SLC44A5: variants seen among roughly 807,000 people sequenced by gnomAD.
The protein encoded by SLC44A5 is choline transporter-like protein 5.
SLC44A5 carries 57 observed loss-of-function variants against 101.8 expected under a neutral mutation model. That is an observed-to-expected ratio of 0.56 (90% CI 0.45 to 0.70). The LOEUF (loss-of-function observed/expected upper bound fraction) is 0.70, where lower values mean the gene tolerates loss of function less well. SLC44A5 is among the 30% of genes least tolerant of loss of function. SLC44A5 has a pLI of 0.00. For missense variants in SLC44A5, 737 were observed against 853.1 expected, an observed-to-expected ratio of 0.86 and a Z score of 1.70; for synonymous variants, 281 against 290.9, an observed-to-expected ratio of 0.97 and a Z score of 0.35.
chr1:75,376,077 G>T lies in SLC44A5; in HGVS notation c.52+20506C>A, dbSNP rs374458347. On this transcript the variant is annotated intron_variant, in intron 3 of 23. Coordinates refer to ENST00000370859, the MANE Select transcript of SLC44A5 (RefSeq NM_001130058.2). Reference sequence around the variant, plus strand: ...TTCCAAGTCAAAGAAAGGGGTGACGGACGCACCTGGAAAATTGGGTCACTC... The same window carrying T: ...TTCCAAGTCAAAGAAAGGGGTGACGTACGCACCTGGAAAATTGGGTCACTC... Among the ~76,000 whole-genome samples the T allele has an allele frequency of 3.9e-5, 6 of 152,340 alleles. No homozygotes were observed. In the South Asian group the frequency reaches 1.2e-3, roughly 32 times the overall value.
chr1:75,609,278 G>A (rs1353481426), intron 1 of SLC44A5, among the ~76,000 whole-genome samples: 3 of 151,804 alleles, frequency 2.0e-5, no homozygotes, highest in Admixed American at 6.6e-5. Context: ...GTTTTTATTT[G>A]AATATTTTAG....
intron 1 of SLC44A5, among the ~76,000 whole-genome samples, chr1:75,601,280 A>G (rs957135116): frequency 6.6e-6 from 1 of 151,964 alleles, no homozygotes; most frequent in Non-Finnish European, 1.5e-5. Flanking sequence ...CAAGAACAAA[A>G]AAACAAACAC....
chr1:75,504,000 G>A (rs1236660124), intron 2 of SLC44A5, among the ~76,000 whole-genome samples: 5 of 152,130 alleles, frequency 3.3e-5, no homozygotes, highest in Non-Finnish European at 7.4e-5. Flanking sequence ...CCCCTAAACA[G>A]TGAGGGGATT....
chr1:75,394,215 T>C (rs1461087012), intron 3 of SLC44A5, among the ~76,000 whole-genome samples: 1 of 152,086 alleles, frequency 6.6e-6, no homozygotes, highest in East Asian at 1.9e-4. Context: ...TGGCTGAGCA[T>C]GCTAAATGCT....
At chr1:75,499,535 C>G (rs1668844867) in intron 2 of SLC44A5, among the ~76,000 whole-genome samples, 1 of 152,110 alleles carries the variant, frequency 6.6e-6, no homozygotes, top group South Asian at 2.1e-4. Flanking sequence ...GGTGTTCACC[C>G]AATTATGAAG....
At chr1:75,375,957 T>A (rs142450116) in intron 3 of SLC44A5, among the ~76,000 whole-genome samples, 2 of 152,040 alleles carry the variant, frequency 1.3e-5, no homozygotes, top group African/African-American at 4.8e-5. Flanking sequence ...TGCCAGGCAG[T>A]GGGCGCAGGT....
At chr1:75,288,931 A>C (rs1338485445) in intron 5 of SLC44A5, among the ~76,000 whole-genome samples, 2 of 152,190 alleles carry the variant, frequency 1.3e-5, no homozygotes, top group African/African-American at 4.8e-5. Context: ...GATGCCACAC[A>C]GATTTCCTTA....
At chr1:75,555,224 C>T (rs1022191940) in intron 1 of SLC44A5, among the ~76,000 whole-genome samples, 5 of 152,024 alleles carry the variant, frequency 3.3e-5, no homozygotes, top group Non-Finnish European at 7.4e-5. Flanking sequence ...TCAGACAAAA[C>T]CACTTTATAT....
chr1:75,399,587 C>T (rs934081500), intron 2 of SLC44A5, among the ~76,000 whole-genome samples: 2 of 151,696 alleles, frequency 1.3e-5, no homozygotes, highest in African/African-American at 4.8e-5. Context: ...ACAATTGGGG[C>T]AATCTGAATT....
At chr1:75,455,235 C>T (rs1381249882) in intron 2 of SLC44A5, among the ~76,000 whole-genome samples, 1 of 151,886 alleles carries the variant, frequency 6.6e-6, no homozygotes, top group African/African-American at 2.4e-5. Flanking sequence ...ATATGATCTT[C>T]AGCAAGTCAA....
At chr1:75,698,775 T>TA in the SLC44A5 span, among the ~76,000 whole-genome samples, 1 of 152,080 alleles carries the variant, frequency 6.6e-6, no homozygotes, top group Non-Finnish European at 1.5e-5. Context: ...GAAGAATGTA[T>TA]AACTAGAATA....
At chr1:75,358,777 A>G (rs982341248) in intron 3 of SLC44A5, among the ~76,000 whole-genome samples, 12 of 152,198 alleles carry the variant, frequency 7.9e-5, no homozygotes, top group Admixed American at 5.2e-4. Flanking sequence ...GGTTCAATAC[A>G]TGTATACAAT....
intron 5 of SLC44A5, among the ~76,000 whole-genome samples, chr1:75,276,526 C>A (rs892174428): frequency 2.0e-5 from 3 of 151,922 alleles, no homozygotes; most frequent in African/African-American, 7.2e-5. Context: ...CTGAGTGAGT[C>A]ACTTAATTAT....
chr1:75,686,243 G>T, the SLC44A5 span, among the ~76,000 whole-genome samples: 2 of 152,144 alleles, frequency 1.3e-5, no homozygotes, highest in Non-Finnish European at 2.9e-5. Flanking sequence ...ATTTGCACAC[G>T]TGTGTGTATA....
chr1:75,376,463 G>A (rs951806664), intron 3 of SLC44A5, among the ~76,000 whole-genome samples: 1 of 152,148 alleles, frequency 6.6e-6, no homozygotes, highest in Admixed American at 6.5e-5. Flanking sequence ...GAGAGCAGTG[G>A]TTCTCCCAGC....
chr1:75,330,966 CT>C (rs71071941), intron 4 of SLC44A5, among the ~76,000 whole-genome samples: 52,307 of 135,822 alleles, frequency 0.39, 9,422 homozygotes, highest in East Asian at 0.76. Context: ...AACTTTCTCT[CT>C]TTTTTTTTTT....
At chr1:75,252,053 A>C (rs1309886847) in intron 6 of SLC44A5, among the ~76,000 whole-genome samples, 1 of 152,190 alleles carries the variant, frequency 6.6e-6, no homozygotes, top group Non-Finnish European at 1.5e-5. Flanking sequence ...GCCCAACTTC[A>C]GCATGCACAA....
At chr1:75,581,169 T>C (rs1673676908) in intron 1 of SLC44A5, among the ~76,000 whole-genome samples, 3 of 152,238 alleles carry the variant, frequency 2.0e-5, no homozygotes, top group African/African-American at 7.2e-5. Flanking sequence ...ACATCAATGA[T>C]TTAATCCTTT....
intron 7 of SLC44A5, among the ~76,000 whole-genome samples, chr1:75,244,724 G>T (rs1434306693): frequency 1.3e-5 from 2 of 152,038 alleles, no homozygotes; most frequent in African/African-American, 4.8e-5. Context: ...CCACCACAGA[G>T]TGACTGAAAT....
Sources: allele counts gnomAD v4.1 joint callset (sites outside exome capture counted in the v4.1 genomes callset), GRCh38; gene constraint gnomAD v4.1.1; transcripts MANE v1.5; gene names NCBI Gene and HGNC (gene_info 2026-07-23, HGNC 2026-07-21).